HOXB2: variants seen among roughly 807,000 people sequenced by gnomAD.
The protein encoded by HOXB2 is homeobox B2, also known as homeobox protein Hox-B2.
A neutral mutation model predicts 13.1 loss-of-function variants in HOXB2; 14 were observed. The ratio of observed to expected loss-of-function variants is 1.07; its 90% confidence interval spans 0.71 to 1.67. The LOEUF is 1.67. HOXB2 is among the 40% of genes most tolerant of loss of function. HOXB2 has a pLI of 0.00. For missense variants in HOXB2, 582 were observed against 488.3 expected (o/e 1.19, Z -1.81); for synonymous variants, 261 against 233.1 (o/e 1.12, Z -1.09).
At chr17:48,544,194 C>G in intron 1 of HOXB2, 1 of 985,362 alleles carries the variant, frequency 1.0e-6, no homozygotes, top group Non-Finnish European at 1.2e-6. Flanking sequence ...TAGGGTCTAT[C>G]CCAGCAACAA....
rs745314928 is a variant in HOXB2, at chr17:48,544,564, C to T, written c.348G>A (p.Pro116=). Residue 116 remains proline (P), a synonymous_variant, in exon 1 of 2, where the codon CCG becomes CCA. Transcript: ENST00000330070. ...CGGAGGCCGGAACGGCGGAGGCGGC[C>T]GGAGAAGGAGACGTGGCGGATTGGC... ...KPSQSATSPS[P]AASAVPASGV... is the part of the protein sequence containing the mutation. 23 of 1,607,292 alleles carry T rather than the reference C, an allele frequency of 1.4e-5. No homozygotes were observed. In the Admixed American group the frequency reaches 2.7e-4, roughly 19 times the overall value.
rs767720436 is a variant in HOXB2 at position 48,543,731 on chromosome 17, C to T, written c.408G>A (p.Pro136=). The change falls in exon 2 of 2, where the codon CCG becomes CCA. Residue 136 remains proline (P), a synonymous_variant. Coordinates refer to ENST00000330070, the MANE Select transcript of HOXB2 (RefSeq NM_002145.4). ...TGCGCGCCCCGCCGCCACCAGCCTC[C>T]GGCAGTCCCAGGCCATCTGCAGGGA... ...VGSPADGLGL[P]EAGGGGARRL... 4.4e-6 allele frequency: 7 copies of T among 1,605,736 alleles called. No individual in the cohort carries two copies. Among genetic ancestry groups the T allele is most frequent in the Admixed American group, 3.4e-5 (2 of 59,644 alleles).
rs546062016 is a variant in HOXB2 at position 48,543,448 on chromosome 17, T to G, written c.691A>C (p.Ser231Arg). 6.2e-6 allele frequency: 10 copies of G among 1,603,380 alleles called. No homozygotes were observed. In the African/African-American group the frequency reaches 1.2e-4, roughly 19 times the overall value. The change falls in exon 2 of 2, where the codon AGC (serine) becomes CGC (arginine). Residue 231 changes from serine (S) to arginine (R), a missense_variant. Transcript: ENST00000330070. ...CGCGAGGCGGAGGGGCCGCCCGGGC[T>G]GGCCGCGGGTTCCTCGGCAGGGTCG... Reference protein sequence around the residue: ...ICDPAEEPAASPGGPSASRAA... With the variant: ...ICDPAEEPAARPGGPSASRAA...
rs2068556492 is a variant in HOXB2 at position 48,545,006 on chromosome 17, T to C, written c.-95A>G. 7 of 1,266,100 alleles carry C rather than the reference T, an allele frequency of 5.5e-6. No individual in the cohort carries two copies. In the South Asian group the frequency reaches 1.1e-4, roughly 20 times the overall value. The allele number at this position is 1,266,100 out of a possible 1,614,324, so 78.4% of individuals were successfully genotyped here. A position where few individuals can be genotyped will look rare whatever the true frequency, so the allele number is the denominator to read the frequency against. ...CCTGCACCCCCCCCGATTTATGTAA[T>C]GGAGCGATTTTGGGAGGGGGAGATT... On this transcript the variant is annotated 5_prime_UTR_variant, in exon 1 of 2. Coordinates refer to ENST00000330070, the MANE Select transcript of HOXB2 (RefSeq NM_002145.4).
chr17:48,544,994 C>CG lies in HOXB2; in HGVS notation c.-84dup, dbSNP rs2068556350. ...AGGGACCCCCCTCCTGCACCCCCCCCGATTTATGTAATGGAGCGATTTTGG... is the reference window on the plus strand; with the variant it reads ...AGGGACCCCCCTCCTGCACCCCCCCCGGATTTATGTAATGGAGCGATTTTGG... On this transcript the variant is annotated 5_prime_UTR_variant, in exon 1 of 2. Coordinates refer to ENST00000330070, the MANE Select transcript of HOXB2 (RefSeq NM_002145.4). 1 of 1,356,712 alleles carries CG rather than the reference C, an allele frequency of 7.4e-7. No homozygotes were observed. Among genetic ancestry groups the CG allele is most frequent in the Non-Finnish European group, 9.9e-7 (1 of 1,014,324 alleles). The allele number at this position is 1,356,712 out of a possible 1,614,324, so 84.0% of individuals were successfully genotyped here.
rs773281612 is a variant in HOXB2, at chr17:48,543,343, G to C, written c.796C>G (p.Arg266Gly). The C allele has an allele frequency of 1.9e-6, 3 of 1,598,534 alleles. No homozygotes were observed. The highest frequency in any genetic ancestry group is 2.6e-6 in the Non-Finnish European group (3 of 1,176,390). Residue 266 changes from arginine (R) to glycine (G), a missense_variant, in exon 2 of 2, where the codon CGC becomes GGC. Physicochemically the swap from Arg to Gly is moderately radical, Grantham distance 125. Transcript: ENST00000330070. ...CTCGACGCGCCTGCGCCCTCTAAGC[G>C]AACGGCTAAAGGCCGGGGGTCCGCG... ...LSADPRPLAV[R>G]LEGAGASSPG... is the part of the protein sequence containing the mutation.
rs768780486 is a variant in HOXB2, at chr17:48,544,720, C to G, written c.192G>C (p.Gln64His). 6.2e-7 allele frequency: 1 copy of G among 1,613,824 alleles called. No homozygotes were observed. Among genetic ancestry groups the G allele is most frequent in the Non-Finnish European group, 8.5e-7 (1 of 1,179,992 alleles). Reference protein sequence around the residue: ...PSLQPGASTLQRPRSQKRAED... With the variant: ...PSLQPGASTLHRPRSQKRAED... ...CGGCTCGCTTTTGGCTCCTGGGTCT[C>G]TGAAGGGTGGAGGCGCCGGGCTGGA... Residue 64 changes from glutamine to histidine, a missense_variant, in exon 1 of 2, where the codon CAG becomes CAC. Transcript: ENST00000330070.
Position 48,544,795 on chromosome 17 carries a change from C to CT in HOXB2, c.116dup (p.Ser40ValfsTer126), listed in dbSNP as rs1227235076. 29 of 1,614,010 alleles carry CT rather than the reference C, an allele frequency of 1.8e-5. No homozygotes were observed. The highest frequency in any genetic ancestry group is 2.3e-5 in the Non-Finnish European group (27 of 1,180,036). Reference sequence around the variant, plus strand: ...GAGGAGGAGGAGGAATTAATGTCGACTCCTTGATTGATGAAGTTTGAAATG... The same window carrying CT: ...GAGGAGGAGGAGGAATTAATGTCGACTTCCTTGATTGATGAAGTTTGAAATG... On this transcript the variant is annotated frameshift_variant, in exon 1 of 2. Transcript: ENST00000330070. LOFTEE classifies it high-confidence loss of function.
Position 48,543,380 on chromosome 17 carries a change from C to A in HOXB2, c.759G>T (p.Pro253=). Residue 253 remains proline (P), a synonymous_variant, in exon 2 of 2, where the codon CCG becomes CCT. Transcript: ENST00000330070. ...EACCHPPEVV[P]GALSADPRPL... ...GCCGGGGGTCCGCGCTTAAGGCCCC[C>A]GGCACCACCTCCGGCGGGTGACAGC... 2 of 1,587,496 alleles carry A rather than the reference C, an allele frequency of 1.3e-6. No individual in the cohort carries two copies. Among genetic ancestry groups the A allele is most frequent in the Non-Finnish European group, 1.7e-6 (2 of 1,170,508 alleles).
Position 48,543,206 on chromosome 17 carries a change from C to A in HOXB2, c.933G>T (p.Ala311=). Residue 311 remains alanine (A), a synonymous_variant, in exon 2 of 2, where the codon GCG becomes GCT. Transcript: ENST00000330070. ...SPFLPDLNFF[A]ADSCLQLSGG... is the part of the protein sequence containing the mutation. Reference sequence around the variant, plus strand: ...CGGATAGCTGGAGACAGGAGTCGGCCGCGAAGAAGTTGAGGTCGGGAAGGA... The same window carrying A: ...CGGATAGCTGGAGACAGGAGTCGGCAGCGAAGAAGTTGAGGTCGGGAAGGA... 1 of 1,613,734 alleles carries A rather than the reference C, an allele frequency of 6.2e-7. No individual in the cohort carries two copies. Among genetic ancestry groups the A allele is most frequent in the Non-Finnish European group, 8.5e-7 (1 of 1,180,008 alleles).
At position 48,544,929 on chromosome 17, in the gene HOXB2, G is replaced by A; in HGVS notation, c.-18C>T. 1 of 1,478,642 alleles carries A rather than the reference G, an allele frequency of 6.8e-7. No individual in the cohort carries two copies. The highest frequency in any genetic ancestry group is 9.3e-7 in the Non-Finnish European group (1 of 1,079,016). The allele number at this position is 1,478,642 out of a possible 1,614,324, so 91.6% of individuals were successfully genotyped here. Reference sequence around the variant, plus strand: ...AAATTCATGGCTTTCAATGGTGGGGGAGGGGGCTGCTGGGGGGGGCGTCAG... The same window carrying A: ...AAATTCATGGCTTTCAATGGTGGGGAAGGGGGCTGCTGGGGGGGGCGTCAG... On this transcript the variant is annotated 5_prime_UTR_variant, in exon 1 of 2. Coordinates refer to ENST00000330070, the MANE Select transcript of HOXB2 (RefSeq NM_002145.4).
Position 48,543,723 on chromosome 17 carries a change from C to G in HOXB2, c.416G>C (p.Gly139Ala), listed in dbSNP as rs764345200. 6.2e-7 allele frequency: 1 copy of G among 1,607,586 alleles called. No individual in the cohort carries two copies. The highest frequency in any genetic ancestry group is 1.7e-5 in the Admixed American group (1 of 59,732). ...GCGCAGCCTGCGCGCCCCGCCGCCACCAGCCTCCGGCAGTCCCAGGCCATC... is the reference window on the plus strand; with the variant it reads ...GCGCAGCCTGCGCGCCCCGCCGCCAGCAGCCTCCGGCAGTCCCAGGCCATC... ...PADGLGLPEA[G>A]GGGARRLRTA... The change falls in exon 2 of 2, where the codon GGT becomes GCT. Residue 139 changes from glycine to alanine, a missense_variant. Gly to Ala is a moderately conservative substitution (Grantham distance 60). Coordinates refer to ENST00000330070, the MANE Select transcript of HOXB2 (RefSeq NM_002145.4).
intron 1 of HOXB2, chr17:48,544,266 G>GA (rs1489987779): frequency 2.2e-6 from 3 of 1,366,464 alleles, no homozygotes; most frequent in South Asian, 1.9e-5. Context: ...TCTTCTAGCA[G>GA]AAAAAAAGGC....
intron 1 of HOXB2, 194 bp downstream of exon 1, chr17:48,544,327 G>A: frequency 2.2e-6 from 3 of 1,344,202 alleles, no homozygotes; most frequent in East Asian, 5.9e-5. Flanking sequence ...AAGAGAGAGA[G>A]AGACAGAAAA....
chr17:48,542,939 G>T lies in HOXB2; in HGVS notation c.*129C>A. The T allele has an allele frequency of 1.7e-6, 1 of 596,798 alleles. No homozygotes were observed. The highest frequency in any genetic ancestry group is 1.9e-5 in the African/African-American group (1 of 52,374). The allele number at this position is 596,798 out of a possible 1,614,324, so 37.0% of individuals were successfully genotyped here. A position where few individuals can be genotyped will look rare whatever the true frequency, so the allele number is the denominator to read the frequency against. On this transcript the variant is annotated 3_prime_UTR_variant, in exon 2 of 2. Transcript: ENST00000330070. Reference sequence around the variant, plus strand: ...GAAGAAGAAAGGGAGTGGATTAAACGCTAATTCAGTAATACCTGAATTTTA... The same window carrying T: ...GAAGAAGAAAGGGAGTGGATTAAACTCTAATTCAGTAATACCTGAATTTTA...
Position 48,542,995 on chromosome 17 carries a change from TG to T in HOXB2, c.*72del. 8.2e-7 allele frequency: 1 copy of T among 1,224,990 alleles called. No homozygotes were observed. Among genetic ancestry groups the T allele is most frequent in the Non-Finnish European group, 1.1e-6 (1 of 874,222 alleles). The allele number at this position is 1,224,990 out of a possible 1,614,324, so 75.9% of individuals were successfully genotyped here. On this transcript the variant is annotated 3_prime_UTR_variant, in exon 2 of 2. Coordinates refer to ENST00000330070, the MANE Select transcript of HOXB2 (RefSeq NM_002145.4). ...ACACATAAGTCTATGCGACTGAGGG[TG>T]GGAGAGGCTCGATTTTTCCAGTAGA...
In HOXB2 at chr17:48,543,002, G is replaced by A; in HGVS notation, c.*66C>T. On this transcript the variant is annotated 3_prime_UTR_variant, in exon 2 of 2. Coordinates refer to ENST00000330070, the MANE Select transcript of HOXB2 (RefSeq NM_002145.4). ...AGTCTATGCGACTGAGGGTGGGAGA[G>A]GCTCGATTTTTCCAGTAGACGGCCA... 4 of 1,347,678 alleles carry A rather than the reference G, an allele frequency of 3.0e-6. No homozygotes were observed. The highest frequency in any genetic ancestry group is 2.4e-5 in the Admixed American group (1 of 42,208). The allele number at this position is 1,347,678 out of a possible 1,614,324, so 83.5% of individuals were successfully genotyped here. A position where few individuals can be genotyped will look rare whatever the true frequency, so the allele number is the denominator to read the frequency against.
intron 1 of HOXB2, chr17:48,544,269 A>G: frequency 2.2e-6 from 3 of 1,368,522 alleles, no homozygotes; most frequent in South Asian, 1.9e-5. Flanking sequence ...TCTAGCAGAA[A>G]AAAAGGCGTT....
At chr17:48,544,082 C>A (rs926467683) in intron 1 of HOXB2, 2 of 985,200 alleles carry the variant, frequency 2.0e-6, no homozygotes, top group East Asian at 2.3e-4. Context: ...TCAACCGGAG[C>A]GAGGGTCAGA....
Sources: gnomAD v4.1 joint callset for allele counts on GRCh38, gnomAD v4.1.1 for gene constraint, MANE v1.5 for transcripts, NCBI Gene and HGNC (gene_info 2026-07-23, HGNC 2026-07-21) for gene names.